The following FIGN variants were observed in gnomAD, a reference collection of about 807,000 sequenced individuals.
FIGN encodes the protein fidgetin.
In FIGN, 11 loss-of-function variants were observed where a neutral mutation model predicts 51.3. The ratio of observed to expected loss-of-function variants is 0.21; its 90% confidence interval spans 0.13 to 0.35. FIGN has a LOEUF of 0.35. FIGN is among the 10% of genes least tolerant of loss of function. The pLI is 1.00. For missense variants in FIGN, 857 were observed against 943.6 expected (o/e 0.91, Z 1.20); for synonymous variants, 407 against 363.2 (o/e 1.12, Z -1.37).
intron 2 of FIGN, among the ~76,000 whole-genome samples, chr2:163,714,873 A>G (rs1219523353): frequency 2.6e-5 from 4 of 152,194 alleles, no homozygotes; most frequent in African/African-American, 9.7e-5. Context: ...CCACTATAGC[A>G]TTCCAAATTA....
At chr2:163,628,489 G>A (rs959127512) in intron 2 of FIGN, among the ~76,000 whole-genome samples, 1 of 152,184 alleles carries the variant, frequency 6.6e-6, no homozygotes, top group African/African-American at 2.4e-5. Flanking sequence ...CTTGAATTCA[G>A]ATTGCAAAGG....
intron 2 of FIGN, among the ~76,000 whole-genome samples, chr2:163,678,476 C>T (rs537847369): frequency 2.6e-5 from 4 of 152,204 alleles, no homozygotes; most frequent in South Asian, 4.2e-4. Flanking sequence ...CCACCTTGGC[C>T]ATCCAAAGTG....
At chr2:163,722,958 G>C (rs886163656) in intron 2 of FIGN, among the ~76,000 whole-genome samples, 2 of 151,696 alleles carry the variant, frequency 1.3e-5, no homozygotes, top group African/African-American at 2.4e-5. Flanking sequence ...AGGCAGAGGC[G>C]GGCGGATCAT....
chr2:163,691,327 A>G (rs932442036), intron 2 of FIGN, among the ~76,000 whole-genome samples: 3 of 152,134 alleles, frequency 2.0e-5, no homozygotes, highest in Non-Finnish European at 2.9e-5. Context: ...AAAGAAAATA[A>G]AGAAAAGAAA....
At chr2:163,714,437 C>CA (rs1364803853) in intron 2 of FIGN, among the ~76,000 whole-genome samples, 1 of 152,108 alleles carries the variant, frequency 6.6e-6, no homozygotes, top group Non-Finnish European at 1.5e-5. Context: ...CACCTCCCCC[C>CA]AAAAAAGAGG....
intron 2 of FIGN, among the ~76,000 whole-genome samples, chr2:163,644,664 A>C (rs1206336029): frequency 6.6e-6 from 1 of 152,238 alleles, no homozygotes; most frequent in Non-Finnish European, 1.5e-5. Flanking sequence ...ATAGCCAAAA[A>C]TATGGAAGCA....
At chr2:163,676,437 A>ATATATATC (rs1683966558) in intron 2 of FIGN, among the ~76,000 whole-genome samples, 7 of 13,338 alleles carry the variant, frequency 5.2e-4, no homozygotes, top group Non-Finnish European at 7.2e-4. Context: ...TTCCTGGAAT[A>ATATATATC]TATATATATA....
At chr2:163,676,484 A>T (rs1239135) in intron 2 of FIGN, among the ~76,000 whole-genome samples, 17,999 of 54,760 alleles carry the variant, frequency 0.33, 4,377 homozygotes, top group South Asian at 0.51. Context: ...TATATATATA[A>T]CTAGAGTCTG....
At chr2:163,657,709 C>T (rs977658090) in intron 2 of FIGN, among the ~76,000 whole-genome samples, 3 of 152,122 alleles carry the variant, frequency 2.0e-5, no homozygotes, top group Non-Finnish European at 4.4e-5. Context: ...TTCCTCATTA[C>T]ACATTTTAGT....
intron 2 of FIGN, among the ~76,000 whole-genome samples, chr2:163,653,742 T>A (rs955670664): frequency 6.6e-6 from 1 of 152,128 alleles, no homozygotes; most frequent in African/African-American, 2.4e-5. Context: ...TGAATCTCTA[T>A]CTATACGATG....
chr2:163,612,740 A>T (rs1402152322), intron 2 of FIGN, among the ~76,000 whole-genome samples: 1 of 145,234 alleles, frequency 6.9e-6, no homozygotes, highest in Non-Finnish European at 1.5e-5. Flanking sequence ...ATCCTGTCTT[A>T]TACATCTTCA....
At chr2:163,647,518 G>C (rs1297408943) in intron 2 of FIGN, among the ~76,000 whole-genome samples, 2 of 152,048 alleles carry the variant, frequency 1.3e-5, no homozygotes, top group Non-Finnish European at 2.9e-5. Context: ...GCTCACCCTT[G>C]ACTGTCATTC....
chr2:163,734,924 T>A lies in FIGN; in HGVS notation c.4A>T (p.Ile2Phe). 6.2e-7 allele frequency: 1 copy of A among 1,611,532 alleles called. No homozygotes were observed. Among genetic ancestry groups the A allele is most frequent in the Non-Finnish European group, 8.5e-7 (1 of 1,179,114 alleles). M[I>F]SSTSVYGLKM... ...ATACCATAAACACTGGTGCTACTGA[T>A]CATTTCTTGCTGGCAGCACAAAAAG... Residue 2 changes from isoleucine to phenylalanine, a missense_variant, in exon 2 of 3, where the codon ATC becomes TTC. Around this residue, in one of 3 missense-constraint regions of FIGN, gnomAD observed 56 missense variants for 75.3 expected, o/e 0.74. Transcript: ENST00000333129.
At chr2:163,687,583 G>A (rs1412486844) in intron 2 of FIGN, among the ~76,000 whole-genome samples, 3 of 152,120 alleles carry the variant, frequency 2.0e-5, no homozygotes, top group African/African-American at 7.2e-5. Context: ...TTACTCTTGA[G>A]GAAGACAGTC....
At chr2:163,653,761 T>A (rs1683514528) in intron 2 of FIGN, among the ~76,000 whole-genome samples, 1 of 152,108 alleles carries the variant, frequency 6.6e-6, no homozygotes, top group East Asian at 1.9e-4. Flanking sequence ...TGGAAGTCAG[T>A]GCAAACAACA....
chr2:163,718,457 C>T lies in FIGN; in HGVS notation c.25+16446G>A, dbSNP rs144743293. ...TCTGTAACAGAGACTGACAAATGTA[C>T]CCATCAGTGGAACTGTCTGATTCAT... On this transcript the variant is annotated intron_variant, in intron 2 of 2. Coordinates refer to ENST00000333129, the MANE Select transcript of FIGN (RefSeq NM_018086.4). 1.2e-4 allele frequency among the ~76,000 whole-genome samples: 18 copies of T among 152,232 alleles called. No homozygotes were observed. In the East Asian group the frequency reaches 3.3e-3, roughly 28 times the overall value.
chr2:163,730,383 G>C (rs1243425564), intron 2 of FIGN, among the ~76,000 whole-genome samples: 1 of 152,086 alleles, frequency 6.6e-6, no homozygotes, highest in Admixed American at 6.6e-5. Context: ...AGAAGAAAAT[G>C]ACAAAATCCA....
At chr2:163,679,670 A>T (rs1684028891) in intron 2 of FIGN, among the ~76,000 whole-genome samples, 1 of 152,194 alleles carries the variant, frequency 6.6e-6, no homozygotes, top group Non-Finnish European at 1.5e-5. Flanking sequence ...TATGAGAAGC[A>T]GGGAGGTTTA....
chr2:163,650,197 CATT>C (rs1397470167), intron 2 of FIGN, among the ~76,000 whole-genome samples: 3 of 151,902 alleles, frequency 2.0e-5, no homozygotes, highest in Non-Finnish European at 2.9e-5. Flanking sequence ...GACTAATCAT[CATT>C]ATTATTGAAT....
Sources: gnomAD v4.1 joint callset for allele counts (sites outside exome capture counted in the v4.1 genomes callset) on GRCh38, gnomAD v4.1.1 for gene constraint, gnomAD v4.1.1 regional missense constraint, MANE v1.5 for transcripts, NCBI Gene and HGNC (gene_info 2026-07-23, HGNC 2026-07-21) for gene names.